WDR70: variants seen among roughly 807,000 people sequenced by gnomAD.
WDR70 encodes WD repeat domain 70.
Under a neutral mutation model 88.6 loss-of-function variants are expected in WDR70, and 53 were observed. The observed-to-expected ratio is 0.60, with a 90% CI of 0.48 to 0.75. The LOEUF is 0.75. WDR70 is among the 30% of genes least tolerant of loss of function. WDR70 has a pLI of 0.00. For synonymous variants in WDR70, 280 were observed against 270.0 expected (o/e 1.04, Z -0.36); for missense variants, 610 against 823.2 (o/e 0.74, Z 3.17).
intron 5 of WDR70, among the ~76,000 whole-genome samples, chr5:37,403,716 A>T (rs1386772519): frequency 2.0e-5 from 3 of 152,104 alleles, no homozygotes; most frequent in Non-Finnish European, 4.4e-5. Flanking sequence ...TAACTTTTTT[A>T]AAAAAATTAA....
At chr5:37,706,753 A>G (rs1581515134) in intron 13 of WDR70, among the ~76,000 whole-genome samples, 1 of 151,660 alleles carries the variant, frequency 6.6e-6, no homozygotes, top group African/African-American at 2.4e-5. Flanking sequence ...ACAGACTCAC[A>G]CTCACACTCT....
At chr5:37,404,436 CAG>C (rs909344213) in intron 5 of WDR70, among the ~76,000 whole-genome samples, 21 of 152,074 alleles carry the variant, frequency 1.4e-4, no homozygotes, top group African/African-American at 4.6e-4. Flanking sequence ...TCATATAGCT[CAG>C]AGTTAATATA....
intron 9 of WDR70, among the ~76,000 whole-genome samples, chr5:37,582,435 A>C (rs1743245989): frequency 6.6e-6 from 1 of 152,240 alleles, no homozygotes; most frequent in Admixed American, 6.5e-5. Context: ...CTGCTTGCTT[A>C]GCAGTGTCTG....
chr5:37,579,792 C>A (rs1431211836), intron 9 of WDR70, among the ~76,000 whole-genome samples: 1 of 152,030 alleles, frequency 6.6e-6, no homozygotes, highest in Non-Finnish European at 1.5e-5. Context: ...TGATAAGCAA[C>A]TTTTATAAAC....
At chr5:37,656,943 G>A (rs1745571445) in intron 10 of WDR70, among the ~76,000 whole-genome samples, 2 of 152,124 alleles carry the variant, frequency 1.3e-5, no homozygotes, top group Non-Finnish European at 1.5e-5. Context: ...CCATGGGGGC[G>A]GGATCTGCTG....
At position 37,567,705 on chromosome 5, in the gene WDR70, G is replaced by T. The variant is rs182678552; in HGVS notation, c.918-37359G>T. Among the ~76,000 whole-genome samples the T allele has an allele frequency of 1.1e-3, 162 of 152,222 alleles. 1 individual carries two copies. Among genetic ancestry groups the T allele is most frequent in the African/African-American group, 3.4e-3 (141 of 41,544 alleles). Reference sequence around the variant, plus strand: ...AATTGGGTAGTCATCATAAAAAAAAGGGGAGGGGGGAGATTTTTTTAACCT... The same window carrying T: ...AATTGGGTAGTCATCATAAAAAAAATGGGAGGGGGGAGATTTTTTTAACCT... On this transcript the variant is annotated intron_variant, in intron 9 of 17. Transcript: ENST00000265107.
chr5:37,658,606 C>T (rs1018416279), intron 10 of WDR70, among the ~76,000 whole-genome samples: 6 of 152,124 alleles, frequency 3.9e-5, no homozygotes, highest in Non-Finnish European at 7.3e-5. Context: ...GTCACTTCCT[C>T]CTCCCAATCT....
At chr5:37,468,498 A>T (rs1302097665) in intron 7 of WDR70, among the ~76,000 whole-genome samples, 4 of 152,184 alleles carry the variant, frequency 2.6e-5, no homozygotes, top group Non-Finnish European at 5.9e-5. Flanking sequence ...GACACATAAT[A>T]ATTGTACATA....
intron 17 of WDR70, among the ~76,000 whole-genome samples, chr5:37,731,545 G>C (rs6868520): frequency 0.96 from 146,575 of 152,202 alleles, 70,840 homozygotes; most frequent in East Asian, 1. Context: ...ATAGATTATG[G>C]CTGTGTTGAC....
At chr5:37,676,888 A>G (rs1008791352) in intron 10 of WDR70, among the ~76,000 whole-genome samples, 2 of 152,126 alleles carry the variant, frequency 1.3e-5, no homozygotes, top group African/African-American at 4.8e-5. Context: ...TTGGTAAGCT[A>G]TTGATTATTG....
In WDR70 at chr5:37,506,052, A is replaced by G. The variant is rs1740549443; in HGVS notation, c.841-10462A>G. The G allele has an allele frequency of 2.9e-6, 4 of 1,362,072 alleles. No homozygotes were observed. In the East Asian group the frequency reaches 6.9e-5, roughly 23 times the overall value. The allele number at this position is 1,362,072 out of a possible 1,614,324, so 84.4% of individuals were successfully genotyped here. On this transcript the variant is annotated intron_variant, in intron 8 of 17. Coordinates refer to ENST00000265107, the MANE Select transcript of WDR70 (RefSeq NM_018034.4). ...TCCCTGGAGATTTGCACAGTCAAGC[A>G]CTGATCCAGAGAGATCACCTCATTC... is the stretch of plus-strand genomic sequence containing the variant.
intron 6 of WDR70, among the ~76,000 whole-genome samples, chr5:37,440,636 C>T (rs1242076466): frequency 1.3e-5 from 2 of 152,210 alleles, no homozygotes; most frequent in African/African-American, 2.4e-5. Context: ...TGAGCCACTG[C>T]GCCCAGCCTC....
At chr5:37,466,842 G>A (rs565688168) in intron 7 of WDR70, among the ~76,000 whole-genome samples, 1 of 151,824 alleles carries the variant, frequency 6.6e-6, no homozygotes, top group Non-Finnish European at 1.5e-5. Flanking sequence ...TCCTCGTCAT[G>A]TAAAGTTCTG....
At chr5:37,652,534 A>G (rs1340073037) in intron 10 of WDR70, among the ~76,000 whole-genome samples, 2 of 152,196 alleles carry the variant, frequency 1.3e-5, no homozygotes, top group African/African-American at 2.4e-5. Flanking sequence ...CTTGGGCAGT[A>G]TGGCCATTTT....
chr5:37,555,104 A>C (rs956816744), intron 9 of WDR70, among the ~76,000 whole-genome samples: 6 of 152,180 alleles, frequency 3.9e-5, no homozygotes, highest in Admixed American at 2.6e-4. Context: ...TCCCATGAGA[A>C]GGCACCACCT....
chr5:37,380,977 A>G (rs1748407244), intron 2 of WDR70, among the ~76,000 whole-genome samples: 1 of 152,148 alleles, frequency 6.6e-6, no homozygotes, highest in Admixed American at 6.6e-5. Flanking sequence ...TCCTTTACTC[A>G]GGAGTGAGAA....
intron 17 of WDR70, among the ~76,000 whole-genome samples, chr5:37,750,237 AAAGACT>A (rs1321940537): frequency 1.3e-5 from 2 of 152,150 alleles, no homozygotes; most frequent in African/African-American, 4.8e-5. Flanking sequence ...GGAATATTAA[AAAGACT>A]AATATCTTGG....
chr5:37,463,030 T>C (rs1739055626), intron 7 of WDR70, among the ~76,000 whole-genome samples: 1 of 152,036 alleles, frequency 6.6e-6, no homozygotes. Flanking sequence ...TCCCAGCACT[T>C]TGGGAGGCCA....
At chr5:37,547,894 A>C (rs1742040352) in intron 9 of WDR70, among the ~76,000 whole-genome samples, 1 of 152,174 alleles carries the variant, frequency 6.6e-6, no homozygotes, top group South Asian at 2.1e-4. Flanking sequence ...GAGAACATGT[A>C]AAATTTGTCT....
Sources: gnomAD v4.1 joint callset for allele counts (sites outside exome capture counted in the v4.1 genomes callset) on GRCh38, gnomAD v4.1.1 for gene constraint, MANE v1.5 for transcripts, NCBI Gene and HGNC (gene_info 2026-07-23, HGNC 2026-07-21) for gene names.